Variants in GGCT observed in about 807,000 individuals in gnomAD.
The protein encoded by GGCT is gamma-glutamylcyclotransferase, also known as cytochrome c-releasing factor 21.
A neutral mutation model predicts 22.1 loss-of-function variants in GGCT; 20 were observed. The observed-to-expected ratio is 0.91, with a 90% confidence interval of 0.64 to 1.32. The LOEUF is 1.32. Among genes scored for constraint, GGCT ranks in the 40% most tolerant of loss-of-function variants. GGCT has a pLI of 0.00. For missense variants in GGCT, 209 were observed against 223.5 expected (o/e 0.94, Z 0.41); for synonymous variants, 72 against 78.4 (o/e 0.92, Z 0.43).
intron 1 of GGCT, among the ~76,000 whole-genome samples, chr7:30,502,751 C>T (rs1419529313): frequency 6.6e-6 from 1 of 152,174 alleles, no homozygotes; most frequent in Admixed American, 6.5e-5. Flanking sequence ...TTCTCAAATC[C>T]ATCCACCCTG....
chr7:30,497,717 A>C (rs1386867401), intron 3 of GGCT: 1 of 1,319,874 alleles, frequency 7.6e-7, no homozygotes, highest in Non-Finnish European at 9.9e-7. Context: ...AAAAATTCCA[A>C]ACGAGGCCTA....
chr7:30,501,871 T>C (rs1012526198), intron 1 of GGCT, among the ~76,000 whole-genome samples: 3 of 152,250 alleles, frequency 2.0e-5, no homozygotes, highest in African/African-American at 7.2e-5. Flanking sequence ...AGTACCTTTA[T>C]TCAGCATAAG....
chr7:30,500,714 T>G (rs770612484), intron 1 of GGCT, 33 bp from the exon 2 acceptor site: 18 of 1,572,856 alleles, frequency 1.1e-5, no homozygotes, highest in Non-Finnish European at 1.5e-5. Context: ...ATGATCAATA[T>G]CCACTTGAAT....
At chr7:30,501,943 A>G (rs1789712889) in intron 1 of GGCT, among the ~76,000 whole-genome samples, 1 of 152,244 alleles carries the variant, frequency 6.6e-6, no homozygotes, top group East Asian at 1.9e-4. Context: ...AAAAGTTACA[A>G]TTCACACTAA....
rs1260197669 is a variant in GGCT, at chr7:30,500,517, ATAAT to A, written c.287+15_287+18del. The A allele has an allele frequency of 6.3e-7, 1 of 1,596,232 alleles. No individual in the cohort carries two copies. The highest frequency in any genetic ancestry group is 1.3e-5 in the African/African-American group (1 of 74,510). ...TTCTGAATTAATTACTGTTTAACTTATAATTAGAAGCCACCTACTCATCCAGAGA... is the reference window on the plus strand; with the variant it reads ...TTCTGAATTAATTACTGTTTAACTTATAGAAGCCACCTACTCATCCAGAGA... On this transcript the variant is annotated intron_variant, in intron 2 of 3. Transcript: ENST00000275428.
intron 1 of GGCT, among the ~76,000 whole-genome samples, chr7:30,503,048 CCT>C (rs761442401): frequency 4.6e-5 from 7 of 152,330 alleles, no homozygotes; most frequent in Non-Finnish European, 7.3e-5. Context: ...GATCCAGCTT[CCT>C]CTTTCTTCAG....
At chr7:30,497,882 C>T (rs1426730734) in intron 3 of GGCT, 11 of 1,440,104 alleles carry the variant, frequency 7.6e-6, no homozygotes, top group East Asian at 2.7e-5. Context: ...GGCAGTGTGA[C>T]GTTTCTTTCT....
At chr7:30,497,346 C>G in intron 3 of GGCT, 111 bp from the exon 4 acceptor site, 1 of 700,832 alleles carries the variant, frequency 1.4e-6, no homozygotes, top group Non-Finnish European at 2.3e-6. Context: ...TATTAGCTTT[C>G]AGATAACTCT....
chr7:30,500,668 T>G lies in GGCT; in HGVS notation c.155A>C (p.Asp52Ala). Residue 52 changes from aspartate to alanine, a missense_variant, in exon 2 of 4, where the codon GAC becomes GCC. Physicochemically the swap from Asp to Ala is moderately radical, Grantham distance 126 (BLOSUM62 -2). Transcript: ENST00000275428. ...TGTTTTGCCTTGGGAATTGCCAAAGTCAAGCTTAAAATCCTACAAAGGAAA... is the reference window on the plus strand; with the variant it reads ...TGTTTTGCCTTGGGAATTGCCAAAGGCAAGCTTAAAATCCTACAAAGGAAA... ...CVARLQDFKL[D>A]FGNSQGKTSQ... 1 of 1,613,736 alleles carries G rather than the reference T, an allele frequency of 6.2e-7. No individual in the cohort carries two copies. The highest frequency in any genetic ancestry group is 1.3e-5 in the African/African-American group (1 of 75,024).
chr7:30,499,570 G>C (rs921113046), intron 2 of GGCT, among the ~76,000 whole-genome samples: 1 of 151,558 alleles, frequency 6.6e-6, no homozygotes, highest in African/African-American at 2.4e-5. Flanking sequence ...AAATTAGTCC[G>C]ACATGGTGGT....
chr7:30,497,357 A>G (rs1789571161), intron 3 of GGCT, 122 bp from the exon 4 acceptor site: 3 of 634,756 alleles, frequency 4.7e-6, no homozygotes, highest in South Asian at 4.5e-5. Context: ...AGATAACTCT[A>G]GAATAAACAA....
Position 30,504,668 on chromosome 7 carries a change from C to T in GGCT, c.42G>A (p.Glu14=). Residue 14 remains glutamate, a synonymous_variant, in exon 1 of 4, where the codon GAG becomes GAA. Coordinates refer to ENST00000275428, the MANE Select transcript of GGCT (RefSeq NM_024051.4). ...CGTAGGCAAAGTACAGAAAACTCTCCTCATCTGGACCCGTGACGTCCTTGC... is the reference window on the plus strand; with the variant it reads ...CGTAGGCAAAGTACAGAAAACTCTCTTCATCTGGACCCGTGACGTCCTTGC... ...SGCKDVTGPD[E]ESFLYFAYGS... is the part of the protein sequence containing the mutation. 3 of 1,614,138 alleles carry T rather than the reference C, an allele frequency of 1.9e-6. No individual in the cohort carries two copies. The highest frequency in any genetic ancestry group is 2.5e-6 in the Non-Finnish European group (3 of 1,179,966).
intron 2 of GGCT, chr7:30,499,152 C>T: frequency 1.9e-6 from 1 of 531,524 alleles, no homozygotes. Context: ...TGGCTCACAT[C>T]TGTAATCCCA....
At position 30,504,596 on chromosome 7, in the gene GGCT, C is replaced by G; in HGVS notation, c.114G>C (p.Ala38=). 1 of 1,613,926 alleles carries G rather than the reference C, an allele frequency of 6.2e-7. No homozygotes were observed. The highest frequency in any genetic ancestry group is 1.3e-5 in the African/African-American group (1 of 75,074). ...TERIHLRNPS[A]AFFCVARLQD... Reference sequence around the variant, plus strand: ...GCAGGCGGGCCACACAGAAGAACGCCGCCGAGGGGTTTCGGAGGTGGATCC... The same window carrying G: ...GCAGGCGGGCCACACAGAAGAACGCGGCCGAGGGGTTTCGGAGGTGGATCC... The change falls in exon 1 of 4, where the codon GCG becomes GCC. Residue 38 remains alanine, a synonymous_variant. Coordinates refer to ENST00000275428, the MANE Select transcript of GGCT (RefSeq NM_024051.4).
intron 1 of GGCT, 149 bp downstream of exon 1, chr7:30,504,420 G>A (rs1789777528): frequency 5.6e-6 from 5 of 889,244 alleles, no homozygotes; most frequent in Non-Finnish European, 6.8e-6. Flanking sequence ...CAGCGGAGGA[G>A]GTGGACCCGC....
chr7:30,500,672 G>C lies in GGCT; in HGVS notation c.151C>G (p.Leu51Val), dbSNP rs1789679484. The change falls in exon 2 of 4, where the codon CTT becomes GTT. Residue 51 changes from leucine to valine, a missense_variant. Physicochemically the swap from Leu to Val is conservative, Grantham distance 32 (BLOSUM62 1). Coordinates refer to ENST00000275428, the MANE Select transcript of GGCT (RefSeq NM_024051.4). The stretch of plus-strand genomic sequence containing the variant: ...TTGCCTTGGGAATTGCCAAAGTCAA[G>C]CTTAAAATCCTACAAAGGAAATCAA... The part of the protein sequence containing the change: ...FCVARLQDFK[L>V]DFGNSQGKTS... The C allele has an allele frequency of 6.2e-7, 1 of 1,613,434 alleles. No individual in the cohort carries two copies. Among genetic ancestry groups the C allele is most frequent in the Non-Finnish European group, 8.5e-7 (1 of 1,179,648 alleles).
chr7:30,502,754 C>T (rs1407777485), intron 1 of GGCT, among the ~76,000 whole-genome samples: 2 of 152,216 alleles, frequency 1.3e-5, no homozygotes, highest in African/African-American at 2.4e-5. Context: ...TCAAATCCAT[C>T]CACCCTGCCC....
At chr7:30,501,120 A>G (rs1789691525) in intron 1 of GGCT, among the ~76,000 whole-genome samples, 2 of 152,324 alleles carry the variant, frequency 1.3e-5, no homozygotes, top group East Asian at 3.9e-4. Flanking sequence ...CTACCAACAT[A>G]TATCACCAAA....
chr7:30,500,947 A>G, intron 1 of GGCT, among the ~76,000 whole-genome samples: 1 of 152,122 alleles, frequency 6.6e-6, no homozygotes, highest in African/African-American at 2.4e-5. Context: ...AAGTTTAAGG[A>G]AAAAAAATCC....
Sources: gnomAD v4.1 joint callset for allele counts (sites outside exome capture counted in the v4.1 genomes callset) on GRCh38, gnomAD v4.1.1 for gene constraint, MANE v1.5 for transcripts, NCBI Gene and HGNC (gene_info 2026-07-23, HGNC 2026-07-21) for gene names.